IL23R: variants seen among roughly 807,000 people sequenced by gnomAD.
IL23R encodes the protein interleukin-23 receptor.
A neutral mutation model predicts 56.9 loss-of-function variants in IL23R; 34 were observed. The ratio of observed to expected loss-of-function variants is 0.60; its 90% CI spans 0.45 to 0.80. IL23R has a LOEUF of 0.80. Among genes scored for constraint, IL23R ranks in the 30% least tolerant of loss-of-function variants. The pLI is 0.00. For synonymous variants in IL23R, 230 were observed against 249.2 expected, an observed-to-expected ratio of 0.92 and a Z score of 0.73; for missense variants, 635 against 730.0, an observed-to-expected ratio of 0.87 and a Z score of 1.50.
At position 67,169,461 on chromosome 1, in the gene IL23R, C is replaced by G. The variant is rs747027115; in HGVS notation, c.190C>G (p.Leu64Val). The change falls in exon 3 of 11, where the codon CTT (leucine) becomes GTT (valine). Residue 64 changes from leucine (L) to valine (V), a missense_variant. By Grantham distance (32) the Leu-to-Val change is conservative. Coordinates refer to ENST00000347310, the MANE Select transcript of IL23R (RefSeq NM_144701.3). ...AAIKNCQPRK[L>V]HFYKNGIKER... is the part of the protein sequence containing the mutation. ...AATTAAGAACTGCCAACCAAGGAAA[C>G]TTCATTTTTATAAAAATGGCATCAA... 3.1e-6 allele frequency: 5 copies of G among 1,613,816 alleles called. No homozygotes were observed. The highest frequency in any genetic ancestry group is 3.4e-6 in the Non-Finnish European group (4 of 1,179,774).
downstream of IL23R, among the ~76,000 whole-genome samples, chr1:67,260,807 G>A (rs1364463777): frequency 6.6e-6 from 1 of 152,088 alleles, no homozygotes; most frequent in African/African-American, 2.4e-5. Context: ...TGAGGCGGAA[G>A]GAACACTTGA....
chr1:67,180,072 T>C (rs879953089), intron 3 of IL23R, among the ~76,000 whole-genome samples: 1 of 152,176 alleles, frequency 6.6e-6, no homozygotes, highest in Non-Finnish European at 1.5e-5. Flanking sequence ...TGTGGTGTGG[T>C]GCTGAGAAGA....
chr1:67,226,075 C>T (rs1325118716), intron 7 of IL23R, among the ~76,000 whole-genome samples: 2 of 152,206 alleles, frequency 1.3e-5, no homozygotes, highest in African/African-American at 2.4e-5. Context: ...AAGGCACATG[C>T]TCAAACCCGT....
chr1:67,206,884 CTTTTTTTTTTT>C lies in IL23R; in HGVS notation c.653-15_653-5del, dbSNP rs557919248. 6 of 1,190,690 alleles carry C rather than the reference CTTTTTTTTTTT, an allele frequency of 5.0e-6. No individual in the cohort carries two copies. The highest frequency in any genetic ancestry group is 7.2e-5 in the East Asian group (2 of 27,702). 73.8% of individuals were successfully genotyped at this position (1,190,690 alleles called of 1,614,324 possible). A position where few individuals can be genotyped will look rare whatever the true frequency, so the allele number is the denominator to read the frequency against. On this transcript the variant is annotated splice_polypyrimidine_tract_variant and intron_variant, in intron 5 of 10. Coordinates refer to ENST00000347310, the MANE Select transcript of IL23R (RefSeq NM_144701.3). Reference sequence around the variant, plus strand: ...CTAGGCAAGTTTTAAACAGCCAGGTCTTTTTTTTTTTTTTTTTTTTTCTAGTGATACCTTCT... The same window carrying C: ...CTAGGCAAGTTTTAAACAGCCAGGTCTTTTTTTTTTCTAGTGATACCTTCT...
chr1:67,179,004 T>C lies in IL23R; in HGVS notation c.368-3832T>C, dbSNP rs191340236. Among the ~76,000 whole-genome samples, 679 of 152,266 alleles carry C rather than the reference T, an allele frequency of 4.5e-3. 1 individual carries two copies. The highest frequency in any genetic ancestry group is 7.4e-3 in the Non-Finnish European group (504 of 68,002). ...GGTGGATAAGCTTTTTGATGTGCTGTTGGATTCGGTTTGCCAGTATTTTAT... is the reference window on the plus strand; with the variant it reads ...GGTGGATAAGCTTTTTGATGTGCTGCTGGATTCGGTTTGCCAGTATTTTAT... On this transcript the variant is annotated intron_variant, in intron 3 of 10. Transcript: ENST00000347310.
At chr1:67,162,485 A>T (rs541890386), upstream of IL23R, among the ~76,000 whole-genome samples, 2 of 152,208 alleles carry the variant, frequency 1.3e-5, no homozygotes, top group African/African-American at 4.8e-5. Context: ...AGAAAAAAAA[A>T]TCCCATTTAT....
At chr1:67,140,033 G>C (rs1646621571) in intron 1 of IL23R, among the ~76,000 whole-genome samples, 1 of 152,148 alleles carries the variant, frequency 6.6e-6, no homozygotes, top group Admixed American at 6.6e-5. Context: ...GTGGGACTCT[G>C]CAGAGACCTC....
rs564361896 is a variant in IL23R at position 67,235,228 on chromosome 1, C to T, written c.956-1485C>T. Among the ~76,000 whole-genome samples the T allele has an allele frequency of 1.4e-4, 21 of 152,210 alleles. 1 individual carries two copies. The South Asian group carries it at 2.9e-3, about 21-fold the overall frequency. On this transcript the variant is annotated intron_variant, in intron 7 of 10. Coordinates refer to ENST00000347310, the MANE Select transcript of IL23R (RefSeq NM_144701.3). The stretch of plus-strand genomic sequence containing the variant: ...AACAATTTCTGATTTGTCACAATTC[C>T]GGGTGAAACATTTTCCTCTTGCTGT...
chr1:67,185,924 A>G (rs1207765409), intron 4 of IL23R, among the ~76,000 whole-genome samples: 1 of 152,116 alleles, frequency 6.6e-6, no homozygotes, highest in Non-Finnish European at 1.5e-5. Context: ...TCTCAACTTA[A>G]CCTTGTGAGG....
At chr1:67,209,713 C>T (rs1359716289) in intron 6 of IL23R, among the ~76,000 whole-genome samples, 1 of 152,162 alleles carries the variant, frequency 6.6e-6, no homozygotes. Flanking sequence ...GTGTTTAGCT[C>T]CCACTCATAA....
rs150745398 is a variant in IL23R at position 67,236,030 on chromosome 1, G to A, written c.956-683G>A. ...TTTAATTATCAGGAAGGAGGAGACT[G>A]GCAAGGCTGCACCAGGACCCCTTTG... On this transcript the variant is annotated intron_variant, in intron 7 of 10. Coordinates refer to ENST00000347310, the MANE Select transcript of IL23R (RefSeq NM_144701.3). Among the ~76,000 whole-genome samples the A allele has an allele frequency of 3.3e-5, 5 of 152,292 alleles. No individual in the cohort carries two copies. The East Asian group carries it at 9.6e-4, about 29-fold the overall frequency.
chr1:67,182,976 C>A lies in IL23R; in HGVS notation c.491+17C>A, dbSNP rs75363634. 6.2e-7 allele frequency: 1 copy of A among 1,613,448 alleles called. No homozygotes were observed. The highest frequency in any genetic ancestry group is 8.5e-7 in the Non-Finnish European group (1 of 1,179,548). On this transcript the variant is annotated intron_variant, in intron 4 of 10. Transcript: ENST00000347310. ...TGTGAAGAGGTAGGTCACTTCCTCA[C>A]GGCTTCATATAAGCAGTTCCACCCC...
chr1:67,181,067 T>C (rs552439170), intron 3 of IL23R, among the ~76,000 whole-genome samples: 1 of 152,340 alleles, frequency 6.6e-6, no homozygotes, highest in East Asian at 1.9e-4. Flanking sequence ...TTCCTTCATT[T>C]CAACTTTGGT....
At chr1:67,163,461 C>G (rs1418988092), upstream of IL23R, among the ~76,000 whole-genome samples, 1 of 82,506 alleles carries the variant, frequency 1.2e-5, no homozygotes, top group East Asian at 4.1e-4. Flanking sequence ...AGAGCAAGAC[C>G]CTGTCTCAAA....
At chr1:67,193,713 C>T (rs563781276) in intron 4 of IL23R, among the ~76,000 whole-genome samples, 42 of 152,314 alleles carry the variant, frequency 2.8e-4, no homozygotes, top group Non-Finnish European at 4.9e-4. Flanking sequence ...GTTCTCCTTT[C>T]TACTCTCAAC....
At chr1:67,197,397 G>A (rs541826993) in intron 4 of IL23R, among the ~76,000 whole-genome samples, 1 of 152,314 alleles carries the variant, frequency 6.6e-6, no homozygotes, top group East Asian at 1.9e-4. Flanking sequence ...TACTAAGGAG[G>A]TAGAAAATCT....
At chr1:67,182,312 T>A (rs921229026) in intron 3 of IL23R, among the ~76,000 whole-genome samples, 7 of 152,192 alleles carry the variant, frequency 4.6e-5, no homozygotes, top group Non-Finnish European at 8.8e-5. Flanking sequence ...CCACTTTGTT[T>A]ACCTACTCAA....
At chr1:67,209,892 T>C (rs80339621) in intron 6 of IL23R, among the ~76,000 whole-genome samples, 36 of 152,324 alleles carry the variant, frequency 2.4e-4, no homozygotes, top group Non-Finnish European at 4.3e-4. Flanking sequence ...CTAAGAGGAA[T>C]CTAATTAGCT....
chr1:67,223,169 T>C (rs1650412201), intron 7 of IL23R, among the ~76,000 whole-genome samples: 2 of 151,948 alleles, frequency 1.3e-5, no homozygotes, highest in South Asian at 4.2e-4. Flanking sequence ...CAGGAGAATC[T>C]CTTGAACTTG....
Sources: allele counts gnomAD v4.1 joint callset (sites outside exome capture counted in the v4.1 genomes callset), GRCh38; gene constraint gnomAD v4.1.1; transcripts MANE v1.5; gene names NCBI Gene and HGNC (gene_info 2026-07-23, HGNC 2026-07-21).